INVS: variants seen among roughly 807,000 people sequenced by gnomAD.
INVS encodes the protein inversion of embryo turning homolog.
Under a neutral mutation model 108.8 loss-of-function variants are expected in INVS, and 86 were observed. The observed-to-expected ratio is 0.79, with a 90% CI of 0.66 to 0.95. The LOEUF is 0.95. INVS is among the 40% of genes least tolerant of loss of function. The pLI is 0.00. For synonymous variants in INVS, 455 were observed against 473.5 expected (o/e 0.96, Z 0.51); for missense variants, 1,169 against 1,297.4 (o/e 0.90, Z 1.52).
intron 5 of INVS, among the ~76,000 whole-genome samples, chr9:100,235,056 G>C (rs1831636534): frequency 6.6e-6 from 1 of 152,102 alleles, no homozygotes; most frequent in Non-Finnish European, 1.5e-5. Flanking sequence ...TCCTGTATTG[G>C]GTGCATATAT....
chr9:100,296,043 G>T (rs548067714), intron 14 of INVS, among the ~76,000 whole-genome samples: 2 of 152,258 alleles, frequency 1.3e-5, no homozygotes, highest in South Asian at 4.2e-4. Context: ...GGGAGGGGCT[G>T]CACCAAGCGC....
In INVS at chr9:100,142,408, T is replaced by C. The variant is rs559024827; in HGVS notation, c.273+15859T>C. Reference sequence around the variant, plus strand: ...CTATAGCATAGCCTGCCTTTGCTGGTGAGTGGCATTTAGGCCTGGTGGAAC... The same window carrying C: ...CTATAGCATAGCCTGCCTTTGCTGGCGAGTGGCATTTAGGCCTGGTGGAAC... On this transcript the variant is annotated intron_variant, in intron 3 of 16. Transcript: ENST00000262457. Among the ~76,000 whole-genome samples, 12 of 152,258 alleles carry C rather than the reference T, an allele frequency of 7.9e-5. No homozygotes were observed. In the East Asian group the frequency reaches 2.3e-3, roughly 29 times the overall value.
chr9:100,242,693 G>A lies in INVS; in HGVS notation c.906+14G>A, dbSNP rs763751625. On this transcript the variant is annotated intron_variant, in intron 7 of 16. Transcript: ENST00000262457. Reference sequence around the variant, plus strand: ...AGTAACTTTGCTGTAAGTAAAACAAGACAATGCTCTTTTTTCTTAGTGAAA... The same window carrying A: ...AGTAACTTTGCTGTAAGTAAAACAAAACAATGCTCTTTTTTCTTAGTGAAA... 3 of 1,394,918 alleles carry A rather than the reference G, an allele frequency of 2.2e-6. No homozygotes were observed. In the African/African-American group the frequency reaches 4.3e-5, roughly 20 times the overall value. 86.4% of individuals were successfully genotyped at this position (1,394,918 alleles called of 1,614,324 possible).
intron 2 of INVS, among the ~76,000 whole-genome samples, chr9:100,116,550 C>T (rs2118860563): frequency 6.6e-6 from 1 of 152,198 alleles, no homozygotes; most frequent in African/African-American, 2.4e-5. Context: ...TGTTTTCAAA[C>T]ACAATTTCTT....
chr9:100,207,828 T>A (rs1196533188), intron 3 of INVS, among the ~76,000 whole-genome samples: 1 of 152,216 alleles, frequency 6.6e-6, no homozygotes, highest in Non-Finnish European at 1.5e-5. Flanking sequence ...TTTCAATATA[T>A]GTAAAGCATA....
At chr9:100,289,590 A>T (rs1254238676) in intron 13 of INVS, among the ~76,000 whole-genome samples, 1 of 152,252 alleles carries the variant, frequency 6.6e-6, no homozygotes, top group East Asian at 1.9e-4. Context: ...AGATGTGGCC[A>T]AGATGGCCGC....
rs112818538 is a variant in INVS, at chr9:100,127,443, C to T, written c.273+894C>T. Among the ~76,000 whole-genome samples the T allele has an allele frequency of 3.9e-3, 596 of 152,124 alleles. 4 individuals carry two copies. Among genetic ancestry groups the T allele is most frequent in the African/African-American group, 0.013 (559 of 41,536 alleles). ...TTCTACATTTAGTTAAAGACTTATT[C>T]ACCTAAAAACTATTTTTCTTCCATA... On this transcript the variant is annotated intron_variant, in intron 3 of 16. Transcript: ENST00000262457.
At chr9:100,268,282 G>A (rs947371241) in intron 11 of INVS, among the ~76,000 whole-genome samples, 1 of 152,092 alleles carries the variant, frequency 6.6e-6, no homozygotes, top group Admixed American at 6.6e-5. Flanking sequence ...TGTGATAAAG[G>A]ATTCATTTTC....
intron 5 of INVS, among the ~76,000 whole-genome samples, chr9:100,239,100 G>A (rs2118487775): frequency 6.6e-6 from 1 of 152,310 alleles, no homozygotes; most frequent in South Asian, 2.1e-4. Context: ...CCTGTTTGAA[G>A]ATATCCTTCA....
intron 3 of INVS, among the ~76,000 whole-genome samples, chr9:100,163,800 CAGTT>C (rs1305222752): frequency 2.0e-5 from 3 of 152,194 alleles, no homozygotes; most frequent in Non-Finnish European, 2.9e-5. Flanking sequence ...TTACAAGAAA[CAGTT>C]AGCAAGGAGG....
intron 3 of INVS, among the ~76,000 whole-genome samples, chr9:100,209,722 A>T (rs1036808363): frequency 2.1e-5 from 3 of 144,926 alleles, no homozygotes; most frequent in South Asian, 4.4e-4. Flanking sequence ...GTGAGCCGAG[A>T]TCGCGCCACT....
chr9:100,195,269 A>G (rs967399287), intron 3 of INVS, among the ~76,000 whole-genome samples: 12 of 152,178 alleles, frequency 7.9e-5, no homozygotes, highest in African/African-American at 2.2e-4. Flanking sequence ...GGTGTTGAAT[A>G]TTGTCAAATG....
chr9:100,284,171 A>T, intron 12 of INVS, 149 bp from the exon 13 acceptor site: 1 of 899,322 alleles, frequency 1.1e-6, no homozygotes, highest in Non-Finnish European at 1.7e-6. Context: ...TTTTTATTTT[A>T]TCTGGAGAAA....
intron 3 of INVS, among the ~76,000 whole-genome samples, chr9:100,225,133 C>T (rs1831273980): frequency 6.6e-6 from 1 of 151,440 alleles, no homozygotes; most frequent in Admixed American, 6.6e-5. Context: ...TCTCGGCTCA[C>T]TGCAAGCTCC....
At chr9:100,101,015 T>C (rs1463493783) in intron 1 of INVS, among the ~76,000 whole-genome samples, 4 of 98,914 alleles carry the variant, frequency 4.0e-5, no homozygotes, top group South Asian at 2.4e-4. Context: ...ATATATTATA[T>C]GTATATATAT....
chr9:100,125,208 G>T lies in INVS; in HGVS notation c.107-1175G>T, dbSNP rs1425788175. On this transcript the variant is annotated intron_variant, in intron 2 of 16. Coordinates refer to ENST00000262457, the MANE Select transcript of INVS (RefSeq NM_014425.5). ...GAAAGGGGTAAAATACTACCTCATT[G>T]CTATCCTTTGCTTAATTCGGGGCAT... 2.0e-5 allele frequency among the ~76,000 whole-genome samples: 3 copies of T among 152,152 alleles called. No homozygotes were observed. The East Asian group carries it at 5.8e-4, about 29-fold the overall frequency.
chr9:100,200,790 T>C (rs1243488421), intron 3 of INVS, among the ~76,000 whole-genome samples: 1 of 152,238 alleles, frequency 6.6e-6, no homozygotes, highest in Non-Finnish European at 1.5e-5. Context: ...TATGCATATA[T>C]GGGGCTTCCC....
intron 7 of INVS, among the ~76,000 whole-genome samples, chr9:100,244,217 G>A (rs1160437003): frequency 2.0e-5 from 3 of 151,920 alleles, no homozygotes; most frequent in Admixed American, 6.6e-5. Flanking sequence ...CTAGAGTTTT[G>A]ACAAATCATT....
At chr9:100,216,675 C>G (rs72733345) in intron 3 of INVS, among the ~76,000 whole-genome samples, 3 of 152,308 alleles carry the variant, frequency 2.0e-5, no homozygotes, top group Non-Finnish European at 4.4e-5. Context: ...TGTCAAATAG[C>G]AAAATCTTCA....
Sources: allele counts gnomAD v4.1 joint callset (sites outside exome capture counted in the v4.1 genomes callset), GRCh38; gene constraint gnomAD v4.1.1; transcripts MANE v1.5; gene names NCBI Gene and HGNC (gene_info 2026-07-23, HGNC 2026-07-21).